Variants in NAA16 observed in about 807,000 individuals in gnomAD.
The protein encoded by NAA16 is N-alpha-acetyltransferase 16, NatA auxiliary subunit.
A neutral mutation model predicts 110.3 loss-of-function variants in NAA16; 97 were observed. The ratio of observed to expected loss-of-function variants is 0.88; its 90% CI spans 0.75 to 1.04. NAA16 has a LOEUF of 1.04. NAA16 is among the 50% of genes least tolerant of loss of function. The probability of loss-of-function intolerance (pLI) is 0.00; values close to 1 mark genes in which losing one functional copy is unlikely to be tolerated. For synonymous variants in NAA16, 372 were observed against 330.6 expected (o/e 1.13, Z -1.36); for missense variants, 1,017 against 1,005.1 (o/e 1.01, Z -0.16).
At chr13:41,314,903 A>G (rs1224978484) in intron 1 of NAA16, among the ~76,000 whole-genome samples, 1 of 152,214 alleles carries the variant, frequency 6.6e-6, no homozygotes, top group Non-Finnish European at 1.5e-5. Context: ...CAGGAGGCTA[A>G]GGTGGGAAGA....
intron 18 of NAA16, chr13:41,374,527 A>G (rs2043390235): frequency 2.6e-6 from 1 of 383,978 alleles, no homozygotes; most frequent in Non-Finnish European, 4.7e-6. Context: ...TATTTTCATG[A>G]TATAAATACT....
intron 9 of NAA16, among the ~76,000 whole-genome samples, chr13:41,349,719 C>T (rs1464199226): frequency 6.6e-6 from 1 of 152,006 alleles, no homozygotes; most frequent in Admixed American, 6.6e-5. Flanking sequence ...AATACCAACC[C>T]TTGGGGAGGC....
chr13:41,362,552 G>GT (rs2043134899), intron 13 of NAA16: 1 of 460,728 alleles, frequency 2.2e-6, no homozygotes, highest in South Asian at 2.1e-5. Flanking sequence ...CCTCTCTCCA[G>GT]TTTGTCTTCC....
chr13:41,323,044 CTT>C lies in NAA16; in HGVS notation c.403-4_403-3del. On this transcript the variant is annotated splice_polypyrimidine_tract_variant and intron_variant, in intron 4 of 19. Coordinates refer to ENST00000379406, the MANE Select transcript of NAA16 (RefSeq NM_024561.5). The stretch of plus-strand genomic sequence containing the variant: ...TTAGAGAATATTTAGCAAGTTAAAA[CTT>C]TTTTTTTAGGAGACAAGATACCAGC... 5.1e-6 allele frequency: 8 copies of C among 1,583,770 alleles called. No individual in the cohort carries two copies. The highest frequency in any genetic ancestry group is 6.0e-6 in the Non-Finnish European group (7 of 1,157,580).
chr13:41,345,866 G>A (rs1290857610), intron 9 of NAA16, among the ~76,000 whole-genome samples: 2 of 152,198 alleles, frequency 1.3e-5, no homozygotes, highest in African/African-American at 4.8e-5. Flanking sequence ...GAGCCAGCAC[G>A]CCGGGCCAGA....
At chr13:41,340,843 A>AT (rs1303801252) in intron 9 of NAA16, among the ~76,000 whole-genome samples, 17 of 150,670 alleles carry the variant, frequency 1.1e-4, no homozygotes, top group African/African-American at 2.4e-4. Flanking sequence ...TGCCCGGCTA[A>AT]TTTTTTTTGT....
chr13:41,320,523 C>G (rs1467580173), intron 3 of NAA16, 144 bp from the exon 4 acceptor site: 2 of 726,138 alleles, frequency 2.8e-6, no homozygotes, highest in Non-Finnish European at 4.1e-6. Context: ...TTAACTTCCC[C>G]TCACCATTCC....
At chr13:41,362,337 C>T in intron 13 of NAA16, 178 bp downstream of exon 13, 1 of 581,286 alleles carries the variant, frequency 1.7e-6, no homozygotes, top group Non-Finnish European at 2.8e-6. Context: ...TACTGATCCT[C>T]AAGTGATTAT....
chr13:41,368,830 G>A (rs2043258224), intron 14 of NAA16, among the ~76,000 whole-genome samples: 1 of 152,088 alleles, frequency 6.6e-6, no homozygotes, highest in South Asian at 2.1e-4. Flanking sequence ...GTCATTATAT[G>A]CAACTTAAAG....
chr13:41,319,562 G>T (rs990913888), intron 3 of NAA16, among the ~76,000 whole-genome samples: 38 of 151,982 alleles, frequency 2.5e-4, no homozygotes, highest in Non-Finnish European at 5.9e-5. Context: ...TGTCACCCAG[G>T]CTAGAGTGCA....
chr13:41,354,880 T>G (rs1189708526), intron 9 of NAA16, among the ~76,000 whole-genome samples: 1 of 136,512 alleles, frequency 7.3e-6, no homozygotes, highest in Admixed American at 8.5e-5. Flanking sequence ...CTTATAGGAG[T>G]GGTCCATTTT....
intron 13 of NAA16, among the ~76,000 whole-genome samples, chr13:41,364,663 A>G (rs2043176563): frequency 6.6e-6 from 1 of 151,232 alleles, no homozygotes; most frequent in African/African-American, 2.4e-5. Flanking sequence ...AAACAGGGCA[A>G]CGATACATAT....
chr13:41,311,674 G>T, intron 1 of NAA16, 92 bp downstream of exon 1: 10 of 1,203,808 alleles, frequency 8.3e-6, no homozygotes, highest in Non-Finnish European at 1.2e-5. Context: ...CGCGGGCCAG[G>T]CTTGGCCTCC....
intron 3 of NAA16, among the ~76,000 whole-genome samples, chr13:41,319,959 G>T (rs1291744696): frequency 6.6e-6 from 1 of 150,388 alleles, no homozygotes; most frequent in Non-Finnish European, 1.5e-5. Flanking sequence ...ACTTAGCCAC[G>T]TACTGGTATT....
intron 12 of NAA16, among the ~76,000 whole-genome samples, chr13:41,360,165 T>C (rs1046320074): frequency 7.5e-4 from 114 of 152,222 alleles, no homozygotes; most frequent in African/African-American, 2.7e-3. Flanking sequence ...GGAAGTAAAA[T>C]GCAATTAAAT....
rs1472681298 is a variant in NAA16 at position 41,311,519 on chromosome 13, G to A, written c.-10G>A. 1.3e-6 allele frequency: 2 copies of A among 1,598,674 alleles called. No homozygotes were observed. The highest frequency in any genetic ancestry group is 1.1e-5 in the South Asian group (1 of 88,578). ...TCCCTGCCGGCCACCTAGCCTCCCT[G>A]CCGGCCACGATGCCGAACGTGCTGC... is the stretch of plus-strand genomic sequence containing the variant. On this transcript the variant is annotated 5_prime_UTR_variant, in exon 1 of 20. Coordinates refer to ENST00000379406, the MANE Select transcript of NAA16 (RefSeq NM_024561.5).
rs146611323 is a variant in NAA16 at position 41,373,675 on chromosome 13, G to A, written c.2194G>A (p.Val732Ile). ...HSNLPDIVSK[V>I]LSQEMQKIFV... is the part of the protein sequence containing the mutation. Reference sequence around the variant, plus strand: ...TAATCTTCCAGACATTGTGAGCAAAGTTCTATCTCAAGAAATGCAGAAAAT... The same window carrying A: ...TAATCTTCCAGACATTGTGAGCAAAATTCTATCTCAAGAAATGCAGAAAAT... Residue 732 changes from valine to isoleucine, a missense_variant, in exon 18 of 20, where the codon GTT becomes ATT. Val to Ile is a conservative substitution (Grantham distance 29, BLOSUM62 3). Transcript: ENST00000379406. 371 of 1,610,100 alleles carry A rather than the reference G, an allele frequency of 2.3e-4. No individual in the cohort carries two copies. The highest frequency in any genetic ancestry group is 3.0e-4 in the Non-Finnish European group (352 of 1,178,600).
At chr13:41,339,743 A>G (rs562047150) in intron 9 of NAA16, among the ~76,000 whole-genome samples, 2 of 152,090 alleles carry the variant, frequency 1.3e-5, no homozygotes, top group African/African-American at 4.8e-5. Context: ...TATTTTTAGT[A>G]GAGACAGGGT....
intron 3 of NAA16, among the ~76,000 whole-genome samples, chr13:41,319,917 C>A (rs1296375896): frequency 6.7e-6 from 1 of 149,210 alleles, no homozygotes; most frequent in East Asian, 2.0e-4. Flanking sequence ...TCACATATTG[C>A]CCTTGCATTT....
Sources: allele counts gnomAD v4.1 joint callset (sites outside exome capture counted in the v4.1 genomes callset), GRCh38; gene constraint gnomAD v4.1.1; transcripts MANE v1.5; gene names NCBI Gene and HGNC (gene_info 2026-07-23, HGNC 2026-07-21).